Variants in PMS1 observed in about 807,000 individuals in gnomAD.
PMS1 encodes PMS1 protein homolog 1.
Under a neutral mutation model 93.1 loss-of-function variants are expected in PMS1, and 79 were observed. That is an observed-to-expected ratio of 0.85 (90% CI 0.71 to 1.02). The LOEUF (loss-of-function observed/expected upper bound fraction) is 1.02. Among genes scored for constraint, PMS1 ranks in the 50% least tolerant of loss-of-function variants. PMS1 has a pLI of 0.00. For missense variants in PMS1, 1,064 were observed against 1,085.3 expected, an observed-to-expected ratio of 0.98 and a Z score of 0.28; for synonymous variants, 335 against 363.4, an observed-to-expected ratio of 0.92 and a Z score of 0.89.
chr2:189,823,697 T>C (rs973787249), intron 5 of PMS1, among the ~76,000 whole-genome samples: 1 of 152,236 alleles, frequency 6.6e-6, no homozygotes, highest in Non-Finnish European at 1.5e-5. Flanking sequence ...TTTAATCTTT[T>C]TGTTTCAAAG....
At chr2:189,795,150 G>A (rs906605270) in intron 2 of PMS1, among the ~76,000 whole-genome samples, 4 of 152,082 alleles carry the variant, frequency 2.6e-5, no homozygotes, top group Non-Finnish European at 5.9e-5. Context: ...TAAATTAGAT[G>A]TGTTTTCTCA....
At chr2:189,791,319 T>G (rs2048846860) in intron 1 of PMS1, among the ~76,000 whole-genome samples, 1 of 152,118 alleles carries the variant, frequency 6.6e-6, no homozygotes, top group Non-Finnish European at 1.5e-5. Context: ...AGGGTAATAA[T>G]AAGAAATAGA....
intron 5 of PMS1, among the ~76,000 whole-genome samples, 191 bp from the exon 6 acceptor site, chr2:189,843,773 C>T (rs891343226): frequency 3.3e-5 from 5 of 152,178 alleles, no homozygotes; most frequent in Non-Finnish European, 7.3e-5. Flanking sequence ...TGGTACACTG[C>T]AACATATACA....
chr2:189,806,360 T>C (rs2050342946), intron 4 of PMS1: 3 of 281,520 alleles, frequency 1.1e-5, no homozygotes, highest in Admixed American at 4.7e-5. Flanking sequence ...TTATGTAATA[T>C]TATTACATTT....
At chr2:189,863,166 C>T (rs1331705981) in intron 9 of PMS1, among the ~76,000 whole-genome samples, 1 of 151,910 alleles carries the variant, frequency 6.6e-6, no homozygotes, top group Non-Finnish European at 1.5e-5. Context: ...GGCTGTTCTT[C>T]AGTGCCTACT....
Position 189,872,903 on chromosome 2 carries a change from G to T in PMS1, c.2474-593G>T, listed in dbSNP as rs140174890. Among the ~76,000 whole-genome samples the T allele has an allele frequency of 5.2e-3, 787 of 152,246 alleles. 6 individuals carry two copies. Among genetic ancestry groups the T allele is most frequent in the African/African-American group, 0.018 (741 of 41,526 alleles). ...CCTGCCTCGGCCTCCCAAAGTGCTA[G>T]GATTGCAGGTGTGAGCCACTATGCC... On this transcript the variant is annotated intron_variant, in intron 11 of 12. Coordinates refer to ENST00000441310, the MANE Select transcript of PMS1 (RefSeq NM_000534.5).
rs1175404496 is a variant in PMS1 at position 189,854,934 on chromosome 2, TAATA to T, written c.1666_1669del (p.Lys556LeufsTer14). 1.2e-6 allele frequency: 2 copies of T among 1,608,090 alleles called. No individual in the cohort carries two copies. Among genetic ancestry groups the T allele is most frequent in the Admixed American group, 3.3e-5 (2 of 59,822 alleles). On this transcript the variant is annotated frameshift_variant, in exon 9 of 13. Coordinates refer to ENST00000441310, the MANE Select transcript of PMS1 (RefSeq NM_000534.5). LOFTEE classifies it high-confidence loss of function. The stretch of plus-strand genomic sequence containing the variant: ...GTAACAAAAAATCAAATGTAATAGA[TAATA>T]AATCTGGAAAAGTTACAGCTTATGA...
At position 189,854,604 on chromosome 2, in the gene PMS1, A is replaced by T. The variant is rs534243480; in HGVS notation, c.1332A>T (p.Val444=). 6.2e-7 allele frequency: 1 copy of T among 1,613,906 alleles called. No homozygotes were observed. Among genetic ancestry groups the T allele is most frequent in the Non-Finnish European group, 8.5e-7 (1 of 1,179,832 alleles). Residue 444 remains valine, a synonymous_variant, in exon 9 of 13, where the codon GTA becomes GTT. Coordinates refer to ENST00000441310, the MANE Select transcript of PMS1 (RefSeq NM_000534.5). ...NAFQDISMSN[V]SWENSQTEYS... ...TTCAGGACATTTCAATGAGTAATGT[A>T]TCATGGGAGAACTCTCAGACGGAAT...
chr2:189,811,466 A>G (rs1314860307), intron 4 of PMS1, among the ~76,000 whole-genome samples: 1 of 152,046 alleles, frequency 6.6e-6, no homozygotes, highest in African/African-American at 2.4e-5. Context: ...GTTTTGGCGC[A>G]TGCCTGTAAT....
intron 5 of PMS1, among the ~76,000 whole-genome samples, chr2:189,820,263 A>G (rs554574908): frequency 2.0e-5 from 3 of 152,050 alleles, no homozygotes; most frequent in East Asian, 3.9e-4. Flanking sequence ...GAAACTTAAC[A>G]TGCCTTCAGA....
chr2:189,829,241 G>A (rs1057128066), intron 5 of PMS1, among the ~76,000 whole-genome samples: 9 of 152,164 alleles, frequency 5.9e-5, no homozygotes, highest in African/African-American at 1.7e-4. Context: ...TGTAAATGAG[G>A]AGATAAGATG....
intron 3 of PMS1, among the ~76,000 whole-genome samples, chr2:189,796,977 T>C (rs962704182): frequency 6.6e-6 from 1 of 152,244 alleles, no homozygotes; most frequent in Non-Finnish European, 1.5e-5. Flanking sequence ...AAAAATTGTA[T>C]TAAGAAAATT....
chr2:189,791,609 C>T (rs945910234), intron 1 of PMS1, 181 bp from the exon 2 acceptor site: 5 of 497,192 alleles, frequency 1.0e-5, no homozygotes, highest in Non-Finnish European at 1.8e-5. Context: ...AGCGAGATTT[C>T]ATCTCCAAAA....
At chr2:189,792,701 A>G (rs950703741) in intron 2 of PMS1, among the ~76,000 whole-genome samples, 26 of 135,314 alleles carry the variant, frequency 1.9e-4, no homozygotes, top group Non-Finnish European at 3.5e-4. Context: ...ATATATATAT[A>G]TATATATATA....
intron 5 of PMS1, among the ~76,000 whole-genome samples, chr2:189,828,915 A>C (rs1037637879): frequency 2.0e-5 from 3 of 151,376 alleles, no homozygotes; most frequent in Non-Finnish European, 4.4e-5. Context: ...GAGGACGTAG[A>C]AGGATCCTTA....
chr2:189,867,082 A>C (rs1376088744), intron 10 of PMS1, among the ~76,000 whole-genome samples: 1 of 152,224 alleles, frequency 6.6e-6, no homozygotes, highest in East Asian at 1.9e-4. Context: ...CCTTGCATAC[A>C]TACCTAGGAC....
At chr2:189,827,271 C>T (rs1444774819) in intron 5 of PMS1, among the ~76,000 whole-genome samples, 1 of 152,104 alleles carries the variant, frequency 6.6e-6, no homozygotes, top group East Asian at 1.9e-4. Context: ...TTCTCTATTC[C>T]AACACTGTAG....
rs80274666 is a variant in PMS1, at chr2:189,867,051, G to A, written c.2343-748G>A. On this transcript the variant is annotated intron_variant, in intron 10 of 12. Coordinates refer to ENST00000441310, the MANE Select transcript of PMS1 (RefSeq NM_000534.5). ...AGAGCTGATAAGCAAAGATATCAGC[G>A]TACTGGAACACAGAACAGTGCCTTG... 2.2e-3 allele frequency among the ~76,000 whole-genome samples: 334 copies of A among 152,310 alleles called. 2 individuals carry two copies. Among genetic ancestry groups the A allele is most frequent in the Non-Finnish European group, 3.9e-3 (266 of 68,026 alleles).
intron 4 of PMS1, among the ~76,000 whole-genome samples, chr2:189,815,493 A>G (rs1037212608): frequency 2.6e-5 from 4 of 152,128 alleles, no homozygotes; most frequent in Non-Finnish European, 5.9e-5. Flanking sequence ...ACGAGATCCA[A>G]TGGTTTTTAT....
Sources: gnomAD v4.1 joint callset for allele counts (sites outside exome capture counted in the v4.1 genomes callset) on GRCh38, gnomAD v4.1.1 for gene constraint, MANE v1.5 for transcripts, NCBI Gene and HGNC (gene_info 2026-07-23, HGNC 2026-07-21) for gene names.